Variants in LRP1B observed in about 807,000 individuals in gnomAD.
The protein encoded by LRP1B is low-density lipoprotein receptor-related protein 1B.
LRP1B carries 217 observed loss-of-function variants against 556.6 expected under a neutral mutation model. That is an observed-to-expected ratio of 0.39 (90% CI 0.35 to 0.44). LRP1B has a LOEUF of 0.44. Among genes scored for constraint, LRP1B ranks in the 20% least tolerant of loss-of-function variants. The pLI is 1.00. For synonymous variants in LRP1B, 2,047 were observed against 1,865.8 expected (o/e 1.10, Z -2.50); for missense variants, 5,053 against 5,620.8 (o/e 0.90, Z 3.23).
At chr2:142,040,569 A>G (rs1179175179) in intron 1 of LRP1B, among the ~76,000 whole-genome samples, 1 of 151,324 alleles carries the variant, frequency 6.6e-6, no homozygotes, top group Non-Finnish European at 1.5e-5. Flanking sequence ...CATGGAATGA[A>G]AAGTACACGG....
Position 141,628,824 on chromosome 2 carries a change from C to T in LRP1B, c.206-148291G>A, listed in dbSNP as rs149539200. ...CACCACACCCAGCTAATTTTGTTTA[C>T]TTTTTGAAAAGATGAGGTCTCATCA... On this transcript the variant is annotated intron_variant, in intron 2 of 90. Transcript: ENST00000389484. 2.6e-3 allele frequency among the ~76,000 whole-genome samples: 397 copies of T among 151,990 alleles called. 2 individuals are homozygous for T. The highest frequency in any genetic ancestry group is 9.0e-3 in the African/African-American group (372 of 41,492).
intron 3 of LRP1B, among the ~76,000 whole-genome samples, chr2:141,383,579 T>G (rs1367267095): frequency 6.6e-6 from 1 of 152,186 alleles, no homozygotes; most frequent in Non-Finnish European, 1.5e-5. Context: ...GTCAAAAATG[T>G]ATTTAATGCC....
At chr2:141,225,852 G>A (rs1683225536) in intron 6 of LRP1B, among the ~76,000 whole-genome samples, 1 of 151,820 alleles carries the variant, frequency 6.6e-6, no homozygotes, top group African/African-American at 2.4e-5. Context: ...TCATTGGGTG[G>A]GCCTTTTCAG....
chr2:140,315,152 T>C (rs890614160), intron 82 of LRP1B, 53 bp from the exon 83 acceptor site: 5 of 1,253,868 alleles, frequency 4.0e-6, no homozygotes, highest in Non-Finnish European at 5.5e-6. Flanking sequence ...AGTAATTTAA[T>C]AAAATAATTC....
intron 3 of LRP1B, among the ~76,000 whole-genome samples, chr2:141,467,843 G>GA (rs761721055): frequency 0.45 from 59,305 of 133,058 alleles, 15,649 homozygotes; most frequent in Non-Finnish European, 0.5. Flanking sequence ...GCGGACCGGG[G>GA]GGGGGGGAAT....
chr2:141,300,685 C>T (rs191852905), intron 3 of LRP1B, among the ~76,000 whole-genome samples: 22 of 152,138 alleles, frequency 1.4e-4, no homozygotes, highest in African/African-American at 4.1e-4. Flanking sequence ...CCGCCCCTCT[C>T]GCTCTTGCTC....
At chr2:140,693,927 C>T (rs1223943864) in intron 41 of LRP1B, among the ~76,000 whole-genome samples, 2 of 152,130 alleles carry the variant, frequency 1.3e-5, no homozygotes, top group East Asian at 1.9e-4. Flanking sequence ...AGGCTAGTCT[C>T]GAACTCCTGG....
At chr2:141,669,352 C>T (rs916813714) in intron 2 of LRP1B, among the ~76,000 whole-genome samples, 6 of 152,084 alleles carry the variant, frequency 3.9e-5, no homozygotes, top group African/African-American at 1.4e-4. Flanking sequence ...CCTGACAACA[C>T]CTTAGTCTCT....
At chr2:141,390,760 GT>G (rs987677851) in intron 3 of LRP1B, among the ~76,000 whole-genome samples, 6 of 152,210 alleles carry the variant, frequency 3.9e-5, no homozygotes, top group African/African-American at 1.4e-4. Context: ...TGGACTGGTA[GT>G]TTTTAGGGGC....
At chr2:141,725,635 A>G (rs912419780) in intron 2 of LRP1B, among the ~76,000 whole-genome samples, 1 of 151,944 alleles carries the variant, frequency 6.6e-6, no homozygotes, top group African/African-American at 2.4e-5. Context: ...ATAAATTAAA[A>G]TTTTAAAAAG....
intron 66 of LRP1B, among the ~76,000 whole-genome samples, chr2:140,404,701 A>G (rs1684657292): frequency 6.6e-6 from 1 of 152,198 alleles, no homozygotes; most frequent in Admixed American, 6.5e-5. Flanking sequence ...CCTAACACAC[A>G]AGGATTCATA....
intron 1 of LRP1B, among the ~76,000 whole-genome samples, chr2:141,973,793 C>G (rs1381623507): frequency 3.4e-4 from 1 of 2,926 alleles, no homozygotes; most frequent in South Asian, 0.045. Flanking sequence ...TAAACAAAAT[C>G]ATAGATAATG....
intron 11 of LRP1B, among the ~76,000 whole-genome samples, chr2:141,035,136 A>G (rs1698493270): frequency 6.6e-6 from 1 of 151,654 alleles, no homozygotes; most frequent in African/African-American, 2.4e-5. Flanking sequence ...GTTCTCACTC[A>G]TAGATGGGAA....
intron 43 of LRP1B, among the ~76,000 whole-genome samples, chr2:140,573,548 A>G (rs926428473): frequency 6.6e-6 from 1 of 152,022 alleles, no homozygotes; most frequent in African/African-American, 2.4e-5. Flanking sequence ...TTTAAGTAAA[A>G]ATGATAGAAT....
At chr2:141,625,182 C>T (rs1376191329) in intron 2 of LRP1B, among the ~76,000 whole-genome samples, 6 of 152,142 alleles carry the variant, frequency 3.9e-5, no homozygotes, top group East Asian at 1.9e-4. Flanking sequence ...CTTTTCTTCG[C>T]ACTTTTTAAG....
At chr2:141,452,684 C>T (rs934918272) in intron 3 of LRP1B, among the ~76,000 whole-genome samples, 2 of 152,194 alleles carry the variant, frequency 1.3e-5, no homozygotes, top group African/African-American at 2.4e-5. Context: ...ATAGTTGTCA[C>T]TACTCTAGAA....
chr2:140,281,832 T>G (rs1393668446), intron 84 of LRP1B, among the ~76,000 whole-genome samples: 1 of 151,790 alleles, frequency 6.6e-6, no homozygotes, highest in Non-Finnish European at 1.5e-5. Context: ...TATTTAATTG[T>G]GTCCCAGAGG....
At chr2:141,711,226 A>C (rs925171538) in intron 2 of LRP1B, among the ~76,000 whole-genome samples, 2 of 152,096 alleles carry the variant, frequency 1.3e-5, no homozygotes, top group Admixed American at 6.6e-5. Flanking sequence ...TGGTGTGCCA[A>C]CCCAACCAGA....
intron 1 of LRP1B, among the ~76,000 whole-genome samples, chr2:141,943,592 A>T (rs1700876862): frequency 6.6e-6 from 1 of 152,230 alleles, no homozygotes; most frequent in Non-Finnish European, 1.5e-5. Context: ...GTGTTGCATT[A>T]ACTCCTTTAG....
Sources: allele counts gnomAD v4.1 joint callset (sites outside exome capture counted in the v4.1 genomes callset), GRCh38; gene constraint gnomAD v4.1.1; transcripts MANE v1.5; gene names NCBI Gene and HGNC (gene_info 2026-07-23, HGNC 2026-07-21).